FGF14: variants seen among roughly 807,000 people sequenced by gnomAD.
FGF14 encodes the protein fibroblast growth factor homologous factor 4.
Under a neutral mutation model 25.5 loss-of-function variants are expected in FGF14, and 5 were observed. The observed-to-expected ratio is 0.20, with a 90% CI of 0.10 to 0.41. FGF14 has a LOEUF of 0.41. Ranked by LOEUF, FGF14 falls within the 10% of genes least tolerant of loss-of-function variation. The probability of loss-of-function intolerance (pLI) is 1.00; values close to 1 mark genes in which losing one functional copy is unlikely to be tolerated. For missense variants in FGF14, 222 were observed against 320.1 expected (o/e 0.69, Z 2.34); for synonymous variants, 138 against 118.3 (o/e 1.17, Z -1.08).
chr13:102,162,772 G>T (rs537960935), intron 1 of FGF14, among the ~76,000 whole-genome samples: 2 of 152,282 alleles, frequency 1.3e-5, no homozygotes, highest in East Asian at 3.9e-4. Context: ...GTTGAATGCT[G>T]TGGAAAATGT....
At chr13:101,760,764 T>C (rs2139903225) in intron 3 of FGF14, among the ~76,000 whole-genome samples, 1 of 152,366 alleles carries the variant, frequency 6.6e-6, no homozygotes, top group East Asian at 1.9e-4. Context: ...CTTCCATTAC[T>C]TTATTTTTCT....
chr13:102,168,736 T>G (rs2048122247), intron 1 of FGF14, among the ~76,000 whole-genome samples: 1 of 152,130 alleles, frequency 6.6e-6, no homozygotes, highest in African/African-American at 2.4e-5. Context: ...GCTGGGGAAA[T>G]CTGACATAAA....
In FGF14 at chr13:101,900,064, A is replaced by T. The variant is rs1030743836; in HGVS notation, c.193+16389T>A. Reference sequence around the variant, plus strand: ...AAAAAGATAACCAGACAATTGTTAAATATTTTGAAATTAAACAAGCACTTC... The same window carrying T: ...AAAAAGATAACCAGACAATTGTTAATTATTTTGAAATTAAACAAGCACTTC... On this transcript the variant is annotated intron_variant, in intron 1 of 4. Coordinates refer to ENST00000376143, the MANE Select transcript of FGF14 (RefSeq NM_004115.4). 2.0e-5 allele frequency among the ~76,000 whole-genome samples: 3 copies of T among 152,276 alleles called. No homozygotes were observed. The South Asian group carries it at 6.2e-4, about 32-fold the overall frequency.
intron 2 of FGF14, among the ~76,000 whole-genome samples, chr13:101,871,120 C>A (rs910465197): frequency 6.6e-6 from 1 of 152,112 alleles, no homozygotes; most frequent in Admixed American, 6.6e-5. Flanking sequence ...GTTAAAAACA[C>A]AGATACCCAC....
rs147442737 is a variant in FGF14, at chr13:101,809,036, T to C, written c.408+59689A>G. 2.6e-4 allele frequency among the ~76,000 whole-genome samples: 39 copies of C among 152,200 alleles called. No homozygotes were observed. In the East Asian group the frequency reaches 7.3e-3, roughly 29 times the overall value. Reference sequence around the variant, plus strand: ...ACATTTGAATGCATGCTTTCAAATCTCCGGGAGTTCTTGGCTTTTGATAAA... The same window carrying C: ...ACATTTGAATGCATGCTTTCAAATCCCCGGGAGTTCTTGGCTTTTGATAAA... On this transcript the variant is annotated intron_variant, in intron 3 of 4. Transcript: ENST00000376143.
intron 1 of FGF14, among the ~76,000 whole-genome samples, chr13:102,197,592 CATAA>C (rs762032425): frequency 6.6e-6 from 1 of 151,416 alleles, no homozygotes; most frequent in African/African-American, 2.4e-5. Context: ...TATATTTATG[CATAA>C]ATAATTATAT....
At chr13:101,990,232 A>T (rs1265023429) in intron 1 of FGF14, among the ~76,000 whole-genome samples, 2 of 152,110 alleles carry the variant, frequency 1.3e-5, no homozygotes, top group Admixed American at 1.3e-4. Context: ...ATGGTTCATC[A>T]GTTACTGACC....
chr13:102,068,612 C>T (rs1007030530), intron 1 of FGF14, among the ~76,000 whole-genome samples: 144 of 152,332 alleles, frequency 9.5e-4, no homozygotes, highest in Non-Finnish European at 1.8e-3. Flanking sequence ...CGACTTGGCA[C>T]CCGGGCCAGC....
At chr13:102,194,864 T>C (rs970270007) in intron 1 of FGF14, among the ~76,000 whole-genome samples, 1 of 152,106 alleles carries the variant, frequency 6.6e-6, no homozygotes, top group African/African-American at 2.4e-5. Flanking sequence ...AACACAGTAA[T>C]AGAGAAGTGG....
At chr13:102,373,012 ACC>A (rs2057933859) in intron 1 of FGF14, among the ~76,000 whole-genome samples, 1 of 152,112 alleles carries the variant, frequency 6.6e-6, no homozygotes, top group Admixed American at 6.6e-5. Context: ...AGCTCTTAAG[ACC>A]TTAGAACTAC....
In FGF14 at chr13:101,722,449, G is replaced by GAACTT. The variant is rs766360837; in HGVS notation, c.*377_*381dup. 1.5e-4 allele frequency: 48 copies of GAACTT among 320,706 alleles called. No individual in the cohort carries two copies. The highest frequency in any genetic ancestry group is 2.7e-4 in the Non-Finnish European group (44 of 164,786). The allele number at this position is 320,706 out of a possible 1,614,324, so 19.9% of individuals were successfully genotyped here. On this transcript the variant is annotated 3_prime_UTR_variant, in exon 5 of 5. Transcript: ENST00000376143. ...AATATTATTTGTGTGCTACAAAATT[G>GAACTT]AACTTAAACACATAGATTTCGCTGA...
At chr13:102,210,030 T>C (rs923532897) in intron 1 of FGF14, among the ~76,000 whole-genome samples, 1 of 152,010 alleles carries the variant, frequency 6.6e-6, no homozygotes, top group African/African-American at 2.4e-5. Flanking sequence ...ATTAAAATAT[T>C]TAAAGCCCAT....
At chr13:101,833,030 AG>A (rs1446503140) in intron 3 of FGF14, among the ~76,000 whole-genome samples, 1 of 152,036 alleles carries the variant, frequency 6.6e-6, no homozygotes, top group Non-Finnish European at 1.5e-5. Flanking sequence ...CACGAGGAAA[AG>A]CAGTAGTTCA....
chr13:102,140,351 T>G (rs1402134039), intron 1 of FGF14, among the ~76,000 whole-genome samples: 1 of 152,238 alleles, frequency 6.6e-6, no homozygotes, highest in African/African-American at 2.4e-5. Flanking sequence ...CAGTGCTTTC[T>G]GTGTACTAGG....
At chr13:102,323,955 G>GTA (rs1285752306) in intron 1 of FGF14, among the ~76,000 whole-genome samples, 95 of 110,624 alleles carry the variant, frequency 8.6e-4, no homozygotes, top group African/African-American at 3.7e-3. Flanking sequence ...CCAACGTGCA[G>GTA]TATGTGTGTG....
At chr13:101,921,924 T>C (rs568762069), upstream of FGF14, among the ~76,000 whole-genome samples, 21 of 152,348 alleles carry the variant, frequency 1.4e-4, no homozygotes, top group Admixed American at 5.2e-4. Context: ...TACCCTGCTT[T>C]ATGGTTCTAC....
intron 3 of FGF14, among the ~76,000 whole-genome samples, chr13:101,749,146 T>A (rs747484253): frequency 6.6e-6 from 1 of 152,070 alleles, no homozygotes; most frequent in Non-Finnish European, 1.5e-5. Context: ...CGGTTGCCGG[T>A]GGCTAGGGAG....
chr13:101,821,528 A>G (rs1050856861), intron 3 of FGF14, among the ~76,000 whole-genome samples: 26 of 152,208 alleles, frequency 1.7e-4, no homozygotes, highest in African/African-American at 6.3e-4. Context: ...CTTTTAGTAG[A>G]AACATTTGTC....
chr13:102,254,997 A>T (rs987436718), intron 1 of FGF14, among the ~76,000 whole-genome samples: 7 of 152,224 alleles, frequency 4.6e-5, no homozygotes, highest in Non-Finnish European at 1.0e-4. Context: ...TAAAGTTACC[A>T]TTCCTGCTTT....
Sources: gnomAD v4.1 joint callset for allele counts (sites outside exome capture counted in the v4.1 genomes callset) on GRCh38, gnomAD v4.1.1 for gene constraint, MANE v1.5 for transcripts, NCBI Gene and HGNC (gene_info 2026-07-23, HGNC 2026-07-21) for gene names.